The following ZNF678 variants were observed in gnomAD, a reference collection of about 807,000 sequenced individuals.
ZNF678 encodes the protein hypothetical protein MGC42493.
ZNF678 carries 5 observed loss-of-function variants against 3.0 expected under a neutral mutation model. The observed-to-expected ratio is 1.69, with a 90% CI of 0.88 to 3.56. The LOEUF (loss-of-function observed/expected upper bound fraction) is 3.56, where lower values mean the gene tolerates loss of function less well. Among genes scored for constraint, ZNF678 ranks in the 30% most tolerant of loss-of-function variants. The probability of loss-of-function intolerance (pLI) is 0.00; values close to 1 mark genes in which losing one functional copy is unlikely to be tolerated. For synonymous variants in ZNF678, 218 were observed against 199.6 expected, an observed-to-expected ratio of 1.09 and a Z score of -0.78; for missense variants, 593 against 605.0, an observed-to-expected ratio of 0.98 and a Z score of 0.21.
intron 1 of ZNF678, among the ~76,000 whole-genome samples, chr1:227,605,885 G>A (rs1387520028): frequency 6.6e-6 from 1 of 152,200 alleles, no homozygotes; most frequent in Non-Finnish European, 1.5e-5. Flanking sequence ...GAAACTTGTG[G>A]AAGTATAAGC....
chr1:227,617,300 G>GATTA (rs1658165296), intron 1 of ZNF678, among the ~76,000 whole-genome samples: 1 of 152,212 alleles, frequency 6.6e-6, no homozygotes, highest in Non-Finnish European at 1.5e-5. Context: ...AGAGTAGCAT[G>GATTA]TGTGTGATTA....
chr1:227,673,582 T>C (rs1453491610), intron 5 of ZNF678, among the ~76,000 whole-genome samples: 1 of 152,226 alleles, frequency 6.6e-6, no homozygotes, highest in Non-Finnish European at 1.5e-5. Flanking sequence ...CACATGCTGC[T>C]TGAATCACTG....
intron 1 of ZNF678, among the ~76,000 whole-genome samples, chr1:227,589,527 G>A (rs534326435): frequency 4.0e-5 from 6 of 151,812 alleles, no homozygotes; most frequent in African/African-American, 1.5e-4. Context: ...TCAGCTGGGA[G>A]CATTGGCAAG....
intron 2 of ZNF678, among the ~76,000 whole-genome samples, chr1:227,647,039 A>C (rs376847450): frequency 6.6e-6 from 1 of 152,066 alleles, no homozygotes; most frequent in African/African-American, 2.4e-5. Context: ...GATCACCTGA[A>C]GTCAGGAGTT....
Position 227,654,457 on chromosome 1 carries a change from C to T in ZNF678, c.207C>T (p.Asp69=), listed in dbSNP as rs187866035. The T allele has an allele frequency of 4.9e-5, 79 of 1,613,160 alleles. No homozygotes were observed. In the East Asian group the frequency reaches 1.7e-3, roughly 35 times the overall value. ...TTGACAATTTGCACTTAGTGAAAGA[C>T]TGGAGAACTGTGAATGAAGGTAAGG... ...WGLDNLHLVK[D]WRTVNEGKGQ... is the part of the protein sequence containing the mutation. The change falls in exon 4 of 4, where the codon GAC becomes GAT. Residue 69 remains aspartate (D), a synonymous_variant. Coordinates refer to ENST00000343776, the MANE Select transcript of ZNF678 (RefSeq NM_001367909.1).
intron 1 of ZNF678, among the ~76,000 whole-genome samples, chr1:227,617,640 G>A (rs1423800379): frequency 1.3e-5 from 2 of 152,164 alleles, no homozygotes; most frequent in African/African-American, 4.8e-5. Flanking sequence ...AGTAGAAATG[G>A]CCATACATAC....
Position 227,660,095 on chromosome 1 carries a change from T to C in ZNF678, c.*4267T>C, listed in dbSNP as rs964030692. 1 of 152,112 alleles carries C rather than the reference T, an allele frequency of 6.6e-6. No individual in the cohort carries two copies. Among genetic ancestry groups the C allele is most frequent in the Non-Finnish European group, 1.5e-5 (1 of 67,996 alleles). 9.4% of individuals were successfully genotyped at this position (152,112 alleles called of 1,614,324 possible). On this transcript the variant is annotated 3_prime_UTR_variant, in exon 4 of 4. Coordinates refer to ENST00000343776, the MANE Select transcript of ZNF678 (RefSeq NM_001367909.1). ...TTTAGATTCCACGTGAGTGAGACCA[T>C]GAGGTATTCATCTTTCTGTGTTCTG...
intron 1 of ZNF678, among the ~76,000 whole-genome samples, chr1:227,632,043 T>C (rs1658559172): frequency 6.6e-6 from 1 of 152,046 alleles, no homozygotes; most frequent in Non-Finnish European, 1.5e-5. Context: ...TGGGTAGAAA[T>C]TGGGGGAGTA....
At chr1:227,611,787 C>T (rs1658027315) in intron 1 of ZNF678, among the ~76,000 whole-genome samples, 1 of 152,120 alleles carries the variant, frequency 6.6e-6, no homozygotes, top group South Asian at 2.1e-4. Context: ...TGCAGTTTAT[C>T]TAGTTCTGTC....
chr1:227,629,390 C>T (rs943071548), intron 1 of ZNF678, among the ~76,000 whole-genome samples: 2 of 152,244 alleles, frequency 1.3e-5, no homozygotes, highest in African/African-American at 4.8e-5. Flanking sequence ...GCTAGAATGT[C>T]TCTCCCTAAC....
chr1:227,598,860 C>T (rs894710626), intron 1 of ZNF678: 2 of 626,932 alleles, frequency 3.2e-6, no homozygotes, highest in African/African-American at 3.7e-5. Context: ...TGAATACCTA[C>T]CAAATTTATT....
intron 1 of ZNF678, among the ~76,000 whole-genome samples, chr1:227,642,073 C>T (rs1264507869): frequency 6.6e-6 from 1 of 152,212 alleles, no homozygotes; most frequent in South Asian, 2.1e-4. Context: ...TCCAGATTTT[C>T]TCCCCATTCT....
chr1:227,584,464 A>G (rs1433538635), intron 1 of ZNF678, among the ~76,000 whole-genome samples: 2 of 152,224 alleles, frequency 1.3e-5, no homozygotes, highest in Non-Finnish European at 2.9e-5. Context: ...ACAGCTAGGT[A>G]TTTACCTTGC....
intron 1 of ZNF678, among the ~76,000 whole-genome samples, chr1:227,574,598 C>G (rs72748073): frequency 0.025 from 3,791 of 152,026 alleles, 71 homozygotes; most frequent in Non-Finnish European, 0.038. Context: ...CAGTTTTCTC[C>G]CATTCTGTAG....
At chr1:227,613,483 A>C (rs1321115171) in intron 1 of ZNF678, among the ~76,000 whole-genome samples, 1 of 152,156 alleles carries the variant, frequency 6.6e-6, no homozygotes, top group African/African-American at 2.4e-5. Flanking sequence ...GCCACTGTGC[A>C]TTTGATTTCA....
At chr1:227,596,222 C>T (rs1000973409) in intron 1 of ZNF678, among the ~76,000 whole-genome samples, 35 of 152,276 alleles carry the variant, frequency 2.3e-4, no homozygotes, top group Middle Eastern at 3.4e-3. Flanking sequence ...AAGGAGCTGC[C>T]GCAACCATCC....
chr1:227,651,131 T>C, intron 3 of ZNF678, 55 bp downstream of exon 3: 1 of 1,593,908 alleles, frequency 6.3e-7, no homozygotes, highest in Non-Finnish European at 8.6e-7. Flanking sequence ...TCTGGGTTCA[T>C]AGTAGAGAGG....
At chr1:227,623,737 G>A (rs991504900) in intron 1 of ZNF678, among the ~76,000 whole-genome samples, 2 of 152,018 alleles carry the variant, frequency 1.3e-5, no homozygotes, top group African/African-American at 4.8e-5. Context: ...TATTTTTGAG[G>A]TAATCTACTT....
At chr1:227,627,893 C>T (rs1323910548) in intron 1 of ZNF678, among the ~76,000 whole-genome samples, 2 of 152,170 alleles carry the variant, frequency 1.3e-5, no homozygotes, top group Non-Finnish European at 2.9e-5. Context: ...TCTAGAAGGT[C>T]CCCTCGAGCG....
Sources: allele counts gnomAD v4.1 joint callset (sites outside exome capture counted in the v4.1 genomes callset), GRCh38; gene constraint gnomAD v4.1.1; transcripts MANE v1.5; gene names NCBI Gene and HGNC (gene_info 2026-07-23, HGNC 2026-07-21).